BARD1: variants seen among roughly 807,000 people sequenced by gnomAD.
BARD1 encodes the protein BRCA1 associated RING domain 1.
In BARD1, 73 loss-of-function variants were observed where a neutral mutation model predicts 77.0. The observed-to-expected ratio is 0.95, with a 90% CI of 0.79 to 1.15. The LOEUF is 1.15. BARD1 is among the 50% of genes most tolerant of loss of function. BARD1 has a pLI of 0.00. For missense variants in BARD1, 993 were observed against 938.8 expected (o/e 1.06, Z -0.75); for synonymous variants, 384 against 338.0 (o/e 1.14, Z -1.49).
chr2:214,776,412 C>T (rs1243433922), intron 4 of BARD1, among the ~76,000 whole-genome samples: 1 of 152,302 alleles, frequency 6.6e-6, no homozygotes, highest in Non-Finnish European at 1.5e-5. Context: ...TCTACTTACG[C>T]ACAAAGCTTT....
chr2:214,803,974 A>G (rs1433179498), intron 1 of BARD1, among the ~76,000 whole-genome samples: 4 of 152,212 alleles, frequency 2.6e-5, no homozygotes, highest in Non-Finnish European at 5.9e-5. Flanking sequence ...TCCATCTGAG[A>G]TGATAATACC....
intron 10 of BARD1, 21 bp downstream of exon 10, chr2:214,730,390 G>A (rs781133235): frequency 1.3e-6 from 2 of 1,591,652 alleles, no homozygotes; most frequent in Admixed American, 1.7e-5. Context: ...AACAATGAAA[G>A]TTGTATTAAA....
chr2:214,751,147 ATATATTTTTTTTT>A (rs1693426171), intron 7 of BARD1, among the ~76,000 whole-genome samples: 1 of 21,196 alleles, frequency 4.7e-5, no homozygotes, highest in African/African-American at 1.4e-4. Context: ...ATATATATAT[ATATATTTTTTTTT>A]TTTTTTTTTT....
At chr2:214,775,665 C>A (rs745937644) in intron 4 of BARD1, among the ~76,000 whole-genome samples, 3 of 152,050 alleles carry the variant, frequency 2.0e-5, no homozygotes, top group African/African-American at 7.2e-5. Flanking sequence ...AAACTCTCTG[C>A]GAAGCATAAA....
chr2:214,731,118 A>C, intron 9 of BARD1: 1 of 218,260 alleles, frequency 4.6e-6, no homozygotes, highest in South Asian at 6.1e-5. Context: ...TCTAGAGATG[A>C]TTTGATTGGG....
chr2:214,730,100 T>C (rs1399347390), intron 10 of BARD1: 4 of 403,592 alleles, frequency 9.9e-6, no homozygotes, highest in East Asian at 5.5e-5. Flanking sequence ...TAGAGACATA[T>C]GGTAACTAAA....
At position 214,771,358 on chromosome 2, in the gene BARD1, T is replaced by A. The variant is rs975473879; in HGVS notation, c.1315-2046A>T. Among the ~76,000 whole-genome samples, 5 of 152,138 alleles carry A rather than the reference T, an allele frequency of 3.3e-5. No individual in the cohort carries two copies. In the East Asian group the frequency reaches 7.7e-4, roughly 23 times the overall value. On this transcript the variant is annotated intron_variant, in intron 4 of 10. Transcript: ENST00000260947. ...CCTCTCCCAATACTTTTTTCTGAAA[T>A]TTTTTTCCTCTGTTGGTTTGATAAT...
intron 9 of BARD1, among the ~76,000 whole-genome samples, chr2:214,740,567 A>G (rs1429283098): frequency 1.3e-5 from 2 of 151,974 alleles, no homozygotes; most frequent in Non-Finnish European, 2.9e-5. Flanking sequence ...GTGAAGATAT[A>G]ATTTTGATGT....
rs730881420 is a variant in BARD1 at position 214,745,847 on chromosome 2, G to A, written c.1685C>T (p.Thr562Ile). The change falls in exon 8 of 11, where the codon ACT becomes ATT. Residue 562 changes from threonine to isoleucine, a missense_variant. Thr to Ile is a moderately conservative substitution (Grantham distance 89). Coordinates refer to ENST00000260947, the MANE Select transcript of BARD1 (RefSeq NM_000465.4). ...AAGAGGTCCATCCCTACGCTGCCCA[G>A]TGTTCATCTGTTAATATAAAAGGAG... is the stretch of plus-strand genomic sequence containing the variant. The part of the protein sequence containing the change: ...SSASHCSVMN[T>I]GQRRDGPLVL... 12 of 1,613,972 alleles carry A rather than the reference G, an allele frequency of 7.4e-6. No individual in the cohort carries two copies. Among genetic ancestry groups the A allele is most frequent in the Admixed American group, 3.3e-5 (2 of 60,026 alleles).
rs76208114 is a variant in BARD1, at chr2:214,771,292, G to A, written c.1315-1980C>T. 2.1e-3 allele frequency among the ~76,000 whole-genome samples: 321 copies of A among 152,162 alleles called. 2 individuals carry two copies. The highest frequency in any genetic ancestry group is 7.1e-3 in the African/African-American group (296 of 41,500). ...CATAACATTGTGTTCAATGAGTTTC[G>A]TGAGTGCTTCTTTAGTGAATAAATC... On this transcript the variant is annotated intron_variant, in intron 4 of 10. Coordinates refer to ENST00000260947, the MANE Select transcript of BARD1 (RefSeq NM_000465.4).
At chr2:214,745,890 A>C in intron 7 of BARD1, 36 bp from the exon 8 acceptor site, 1 of 1,611,628 alleles carries the variant, frequency 6.2e-7, no homozygotes, top group Non-Finnish European at 8.5e-7. Context: ...TGTTAAAAAC[A>C]TTAGACGACT....
chr2:214,729,905 C>T (rs1692273386), intron 10 of BARD1, among the ~76,000 whole-genome samples: 1 of 152,060 alleles, frequency 6.6e-6, no homozygotes, highest in African/African-American at 2.4e-5. Flanking sequence ...TCACGGGGCA[C>T]AAAAGATTTT....
chr2:214,739,367 A>G (rs1692710378), intron 9 of BARD1, among the ~76,000 whole-genome samples: 1 of 152,202 alleles, frequency 6.6e-6, no homozygotes, highest in Admixed American at 6.5e-5. Context: ...GTCACTCAAG[A>G]TAACAGTATG....
At chr2:214,763,017 C>T (rs1694031633) in intron 6 of BARD1, among the ~76,000 whole-genome samples, 1 of 152,038 alleles carries the variant, frequency 6.6e-6, no homozygotes, top group Non-Finnish European at 1.5e-5. Context: ...AATCAGCACT[C>T]TGTTTAGCAC....
intron 9 of BARD1, among the ~76,000 whole-genome samples, chr2:214,736,790 T>A (rs1449378913): frequency 3.3e-5 from 5 of 152,138 alleles, no homozygotes; most frequent in African/African-American, 4.8e-5. Flanking sequence ...CTTAATTCAT[T>A]AAATATTCTG....
chr2:214,781,533 A>G (rs2106112909), intron 3 of BARD1, 24 bp from the exon 4 acceptor site: 1 of 1,588,722 alleles, frequency 6.3e-7, no homozygotes, highest in Non-Finnish European at 8.6e-7. Flanking sequence ...AGAAAAAGAA[A>G]TCTGTTACAT....
At chr2:214,797,899 C>T (rs2106147363) in intron 1 of BARD1, among the ~76,000 whole-genome samples, 1 of 152,208 alleles carries the variant, frequency 6.6e-6, no homozygotes, top group Non-Finnish European at 1.5e-5. Context: ...TACTGTCCAT[C>T]AAAATACCTG....
chr2:214,796,913 G>T (rs1574846833), intron 2 of BARD1, 148 bp downstream of exon 2: 1 of 697,268 alleles, frequency 1.4e-6, no homozygotes, highest in East Asian at 2.5e-5. Flanking sequence ...CAGTTTTAAA[G>T]ATCAAACTAA....
intron 9 of BARD1, among the ~76,000 whole-genome samples, chr2:214,736,283 T>C (rs748868): frequency 0.066 from 10,108 of 152,132 alleles, 474 homozygotes; most frequent in African/African-American, 0.13. Flanking sequence ...TCATATATTG[T>C]TTCTATATTA....
Sources: allele counts gnomAD v4.1 joint callset (sites outside exome capture counted in the v4.1 genomes callset), GRCh38; gene constraint gnomAD v4.1.1; transcripts MANE v1.5; gene names NCBI Gene and HGNC (gene_info 2026-07-23, HGNC 2026-07-21).